Variants in RB1 observed in about 807,000 individuals in gnomAD.
RB1 encodes retinoblastoma-associated protein.
Under a neutral mutation model 135.4 loss-of-function variants are expected in RB1, and 18 were observed. That is an observed-to-expected ratio of 0.13 (90% CI 0.09 to 0.20). The LOEUF is 0.20. Among genes scored for constraint, RB1 ranks in the 10% least tolerant of loss-of-function variants. RB1 has a pLI of 1.00. For missense variants in RB1, 868 were observed against 1,110.0 expected, an observed-to-expected ratio of 0.78 and a Z score of 3.10; for synonymous variants, 365 against 373.2, an observed-to-expected ratio of 0.98 and a Z score of 0.25.
At chr13:48,426,508 A>G (rs1949081230) in intron 17 of RB1, 2 of 152,236 alleles carry the variant, frequency 1.3e-5, no homozygotes, top group South Asian at 2.1e-4. Context: ...TGCATATTGC[A>G]TTAGTCTTAA....
At chr13:48,432,484 G>C (rs1362416769) in intron 17 of RB1, among the ~76,000 whole-genome samples, 1 of 151,408 alleles carries the variant, frequency 6.6e-6, no homozygotes, top group Non-Finnish European at 1.5e-5. Context: ...TCGGAGAGTA[G>C]CTGTCTCTCA....
intron 2 of RB1, among the ~76,000 whole-genome samples, chr13:48,312,901 T>G (rs1157674932): frequency 6.6e-6 from 1 of 152,192 alleles, no homozygotes; most frequent in Non-Finnish European, 1.5e-5. Flanking sequence ...CCCTTTTGCT[T>G]TAAAATTTAT....
At chr13:48,348,928 T>C (rs368358330) in intron 5 of RB1, 28 bp from the exon 6 acceptor site, 1 of 1,593,864 alleles carries the variant, frequency 6.3e-7, no homozygotes, top group East Asian at 2.3e-5. Flanking sequence ...TTTTCCTGTT[T>C]TTTTTCTGCT....
intron 18 of RB1, among the ~76,000 whole-genome samples, chr13:48,453,379 G>C (rs190711576): frequency 4.2e-4 from 64 of 152,270 alleles, no homozygotes; most frequent in African/African-American, 1.3e-3. Flanking sequence ...ATTTCAATGT[G>C]GAAACTGGAG....
chr13:48,332,907 G>T (rs1952349808), intron 2 of RB1: 1 of 395,906 alleles, frequency 2.5e-6, no homozygotes, highest in Admixed American at 4.4e-5. Context: ...AGTTTAATTT[G>T]TAAATTAGCC....
intron 17 of RB1, among the ~76,000 whole-genome samples, chr13:48,396,191 C>T (rs1326584448): frequency 6.6e-6 from 1 of 152,108 alleles, no homozygotes; most frequent in Non-Finnish European, 1.5e-5. Context: ...ATAGCCGAGA[C>T]AATCTTAAGC....
chr13:48,318,055 C>T, intron 2 of RB1: 1 of 533,388 alleles, frequency 1.9e-6, no homozygotes, highest in Non-Finnish European at 3.5e-6. Context: ...CCTGGCATTC[C>T]CTGGGGAAAT....
At chr13:48,455,786 T>C (rs1949356085) in intron 18 of RB1, among the ~76,000 whole-genome samples, 1 of 152,196 alleles carries the variant, frequency 6.6e-6, no homozygotes, top group Non-Finnish European at 1.5e-5. Flanking sequence ...TGTGTAAATC[T>C]GTGTGTATAA....
chr13:48,431,742 TGTTTTA>T (rs1949131835), intron 17 of RB1, among the ~76,000 whole-genome samples: 1 of 152,232 alleles, frequency 6.6e-6, no homozygotes, highest in Non-Finnish European at 1.5e-5. Context: ...CGTTTGTTGT[TGTTTTA>T]GTTAAACAGA....
At chr13:48,424,845 G>A (rs1032905925) in intron 17 of RB1, among the ~76,000 whole-genome samples, 1 of 152,120 alleles carries the variant, frequency 6.6e-6, no homozygotes, top group Non-Finnish European at 1.5e-5. Context: ...TTGAGGTCAG[G>A]AGTTTGAAAC....
At chr13:48,387,869 G>C (rs1948582657) in intron 17 of RB1, among the ~76,000 whole-genome samples, 1 of 152,108 alleles carries the variant, frequency 6.6e-6, no homozygotes, top group African/African-American at 2.4e-5. Context: ...AGTCCAAAAA[G>C]TTTGAGAACC....
intron 17 of RB1, chr13:48,411,529 G>T (rs747234197): frequency 6.2e-7 from 1 of 1,613,374 alleles, no homozygotes; most frequent in South Asian, 1.1e-5. Context: ...ATTGAATTCT[G>T]AATTGTGTCC....
intron 21 of RB1, among the ~76,000 whole-genome samples, chr13:48,464,544 A>G (rs1949424831): frequency 6.6e-6 from 1 of 152,206 alleles, no homozygotes; most frequent in African/African-American, 2.4e-5. Context: ...CAATTGCGTA[A>G]TGTATACTGA....
Position 48,376,947 on chromosome 13 carries a change from A to G in RB1, c.1245A>G (p.Ile415Met), listed in dbSNP as rs1454134039. ...GCACAGTGAATCCAAAAGAAAGTAT[A>G]CTGAAAAGAGTGAAGGATATAGGAT... ...NNCTVNPKES[I>M]LKRVKDIGYI... is the part of the protein sequence containing the mutation. The change falls in exon 13 of 27, where the codon ATA becomes ATG. Residue 415 changes from isoleucine (I) to methionine (M), a missense_variant. Transcript: ENST00000267163. 4 of 1,613,690 alleles carry G rather than the reference A, an allele frequency of 2.5e-6. No homozygotes were observed. In the African/African-American group the frequency reaches 5.3e-5, roughly 22 times the overall value.
intron 17 of RB1, among the ~76,000 whole-genome samples, chr13:48,420,249 C>T (rs185962968): frequency 4.6e-5 from 7 of 152,200 alleles, no homozygotes; most frequent in Admixed American, 2.6e-4. Flanking sequence ...AATCAATAAA[C>T]GTAATCCATC....
At chr13:48,471,582 A>AAAAG (rs1566239292) in intron 23 of RB1, among the ~76,000 whole-genome samples, 1 of 150,272 alleles carries the variant, frequency 6.7e-6, no homozygotes, top group Non-Finnish European at 1.5e-5. Context: ...ATAAAAAAAA[A>AAAAG]AAAAAGAAAA....
chr13:48,437,313 T>C (rs924226325), intron 17 of RB1, among the ~76,000 whole-genome samples: 13 of 152,194 alleles, frequency 8.5e-5, no homozygotes, highest in Non-Finnish European at 1.6e-4. Context: ...GAAACAATGC[T>C]TTAGAAAGAA....
intron 24 of RB1, 188 bp from the exon 25 acceptor site, chr13:48,476,512 GA>G: frequency 1.8e-6 from 1 of 567,634 alleles, no homozygotes; most frequent in East Asian, 3.1e-5. Flanking sequence ...TTTAATTGGG[GA>G]TGGAATTAGG....
chr13:48,465,152 A>G (rs1303694254), intron 22 of RB1, 41 bp downstream of exon 22: 6 of 1,612,362 alleles, frequency 3.7e-6, no homozygotes, highest in Non-Finnish European at 4.2e-6. Flanking sequence ...ATCTAATGTA[A>G]TGGGTCCACC....
Sources: allele counts gnomAD v4.1 joint callset (sites outside exome capture counted in the v4.1 genomes callset), GRCh38; gene constraint gnomAD v4.1.1; transcripts MANE v1.5; gene names NCBI Gene and HGNC (gene_info 2026-07-23, HGNC 2026-07-21).